PLCB4: variants seen among roughly 807,000 people sequenced by gnomAD.
PLCB4 encodes phospholipase C beta 4, also known as 1-phosphatidylinositol 4,5-bisphosphate phosphodiesterase beta-4.
In PLCB4, 77 loss-of-function variants were observed where a neutral mutation model predicts 178.8. That is an observed-to-expected ratio of 0.43 (90% CI 0.36 to 0.52). The LOEUF (loss-of-function observed/expected upper bound fraction) is 0.52, where lower values mean the gene tolerates loss of function less well. Among genes scored for constraint, PLCB4 ranks in the 20% least tolerant of loss-of-function variants. The pLI, the probability that PLCB4 is intolerant of heterozygous loss-of-function variation, is 0.00. For synonymous variants in PLCB4, 496 were observed against 490.8 expected, an observed-to-expected ratio of 1.01 and a Z score of -0.14; for missense variants, 1,024 against 1,453.4, an observed-to-expected ratio of 0.70 and a Z score of 4.80.
intron 3 of PLCB4, among the ~76,000 whole-genome samples, chr20:9,287,143 GGT>G (rs2094542895): frequency 6.6e-6 from 1 of 151,892 alleles, no homozygotes; most frequent in Non-Finnish European, 1.5e-5. Context: ...CCAAATAACA[GGT>G]GTCTGCTATC....
chr20:9,214,008 A>C (rs1016758970), intron 2 of PLCB4, among the ~76,000 whole-genome samples: 1 of 152,160 alleles, frequency 6.6e-6, no homozygotes, highest in South Asian at 2.1e-4. Flanking sequence ...TCCAGTTCTA[A>C]GAGTTCTTAC....
chr20:9,074,791 CTTT>C (rs10627363), intron 1 of PLCB4, among the ~76,000 whole-genome samples: 2 of 64,406 alleles, frequency 3.1e-5, no homozygotes, highest in Non-Finnish European at 7.7e-5. Context: ...CCCAGCTAGG[CTTT>C]TTTTTTTTTT....
intron 2 of PLCB4, among the ~76,000 whole-genome samples, chr20:9,162,509 C>A (rs1004792346): frequency 1.3e-5 from 2 of 151,940 alleles, no homozygotes; most frequent in Non-Finnish European, 2.9e-5. Context: ...ATATGCTATT[C>A]GGAGTTAATA....
At position 9,336,205 on chromosome 20, in the gene PLCB4, A is replaced by G. The variant is rs894021387; in HGVS notation, c.85-921A>G. On this transcript the variant is annotated intron_variant, in intron 4 of 39. Coordinates refer to ENST00000378473, the MANE Select transcript of PLCB4 (RefSeq NM_001377142.1). ...AACATGTAGATTTGTTGAAGTGTGA[A>G]TGCTAAGTATTGGTGTAATGCAGTC... is the stretch of plus-strand genomic sequence containing the variant. 3.3e-5 allele frequency among the ~76,000 whole-genome samples: 5 copies of G among 152,256 alleles called. 1 individual carries two copies. In the South Asian group the frequency reaches 1.0e-3, roughly 32 times the overall value.
chr20:9,408,915 C>G, intron 23 of PLCB4, 142 bp from the exon 24 acceptor site: 1 of 786,662 alleles, frequency 1.3e-6, no homozygotes, highest in Non-Finnish European at 2.1e-6. Context: ...TGATCTTAAG[C>G]ATCATTTGTA....
chr20:9,279,386 T>C (rs1601584084), intron 3 of PLCB4, among the ~76,000 whole-genome samples: 1 of 151,924 alleles, frequency 6.6e-6, no homozygotes, highest in African/African-American at 2.4e-5. Context: ...GAGGTATGTA[T>C]AAAGTACTTG....
intron 2 of PLCB4, among the ~76,000 whole-genome samples, chr20:9,147,238 C>A (rs1426390021): frequency 1.3e-5 from 2 of 152,102 alleles, no homozygotes; most frequent in Non-Finnish European, 2.9e-5. Context: ...GCTTCTAGAT[C>A]CTTAAAGACA....
chr20:9,185,064 A>G (rs2093310049), intron 2 of PLCB4, among the ~76,000 whole-genome samples: 1 of 152,196 alleles, frequency 6.6e-6, no homozygotes, highest in Non-Finnish European at 1.5e-5. Context: ...CTGGGACTAC[A>G]GGTGTGTGCC....
At chr20:9,455,640 G>A (rs1231599301) in intron 33 of PLCB4, among the ~76,000 whole-genome samples, 1 of 152,128 alleles carries the variant, frequency 6.6e-6, no homozygotes, top group East Asian at 1.9e-4. Flanking sequence ...GACTGGAAAA[G>A]TCTAATCTGT....
At chr20:9,335,252 CT>C (rs1568606009) in intron 4 of PLCB4, among the ~76,000 whole-genome samples, 1 of 152,050 alleles carries the variant, frequency 6.6e-6, no homozygotes, top group African/African-American at 2.4e-5. Context: ...CCGCCATGGC[CT>C]TTTGGGTAAT....
intron 4 of PLCB4, among the ~76,000 whole-genome samples, chr20:9,327,673 G>A (rs1355376201): frequency 6.6e-6 from 1 of 152,042 alleles, no homozygotes; most frequent in Non-Finnish European, 1.5e-5. Context: ...CTACTCGGGA[G>A]GCTGAGGCAG....
At chr20:9,191,498 A>C (rs539251293) in intron 2 of PLCB4, among the ~76,000 whole-genome samples, 1 of 151,996 alleles carries the variant, frequency 6.6e-6, no homozygotes, top group South Asian at 2.1e-4. Flanking sequence ...AACTGTGAGA[A>C]ATAAATTTCT....
chr20:9,154,689 C>T (rs1314154491), intron 2 of PLCB4, among the ~76,000 whole-genome samples: 1 of 152,056 alleles, frequency 6.6e-6, no homozygotes, highest in African/African-American at 2.4e-5. Context: ...GGAGCTACAA[C>T]ATTTTCCACA....
At chr20:9,366,331 A>G (rs2035777635) in intron 9 of PLCB4, among the ~76,000 whole-genome samples, 1 of 145,492 alleles carries the variant, frequency 6.9e-6, no homozygotes, top group Non-Finnish European at 1.5e-5. Context: ...CTGGAGGCAG[A>G]GCTTGCAGTG....
At chr20:9,215,233 A>C (rs2093716711) in intron 2 of PLCB4, among the ~76,000 whole-genome samples, 1 of 152,204 alleles carries the variant, frequency 6.6e-6, no homozygotes, top group South Asian at 2.1e-4. Flanking sequence ...TTTCAATAAC[A>C]CATAATCCCT....
intron 3 of PLCB4, among the ~76,000 whole-genome samples, chr20:9,250,081 T>C (rs771996500): frequency 1.4e-4 from 21 of 152,226 alleles, no homozygotes; most frequent in Non-Finnish European, 2.8e-4. Context: ...CAGCAAATAA[T>C]TTAACTTGTT....
chr20:9,201,777 G>A (rs981084197), intron 2 of PLCB4, among the ~76,000 whole-genome samples: 1 of 152,166 alleles, frequency 6.6e-6, no homozygotes, highest in Admixed American at 6.5e-5. Context: ...GGATTCCCAT[G>A]CATTGTTGGG....
intron 3 of PLCB4, among the ~76,000 whole-genome samples, chr20:9,231,129 C>G (rs2093927271): frequency 6.6e-6 from 1 of 152,118 alleles, no homozygotes; most frequent in Non-Finnish European, 1.5e-5. Context: ...CGTTGGTTGG[C>G]TTTTATTTTC....
chr20:9,276,089 G>A (rs2094447985), intron 3 of PLCB4, among the ~76,000 whole-genome samples: 1 of 152,086 alleles, frequency 6.6e-6, no homozygotes, highest in Non-Finnish European at 1.5e-5. Context: ...TAGGCTAGCT[G>A]CTGTAACAAA....
Sources: allele counts gnomAD v4.1 joint callset (sites outside exome capture counted in the v4.1 genomes callset), GRCh38; gene constraint gnomAD v4.1.1; transcripts MANE v1.5; gene names NCBI Gene and HGNC (gene_info 2026-07-23, HGNC 2026-07-21).